Variants in ROBO2 observed in about 807,000 individuals in gnomAD.
The protein encoded by ROBO2 is roundabout guidance receptor 2, also known as roundabout homolog 2.
Under a neutral mutation model 160.8 loss-of-function variants are expected in ROBO2, and 53 were observed. That is an observed-to-expected ratio of 0.33 (90% CI 0.26 to 0.41). ROBO2 has a LOEUF of 0.41. Ranked by LOEUF, ROBO2 falls within the 10% of genes least tolerant of loss-of-function variation. The pLI, the probability that ROBO2 is intolerant of heterozygous loss-of-function variation, is 1.00. For missense variants in ROBO2, 1,577 were observed against 1,722.4 expected (o/e 0.92, Z 1.49); for synonymous variants, 664 against 611.7 (o/e 1.09, Z -1.26).
rs150199394 is a variant in ROBO2 at position 76,269,240 on chromosome 3, T to C, written c.109+331638T>C. On this transcript the variant is annotated intron_variant, in intron 2 of 26. Coordinates refer to the ROBO2 transcript ENST00000487694. ...ACCCCATTTACTCTAATGTGGTTAT[T>C]ACACATTGTATGCCTGGATCAAAAC... is the stretch of plus-strand genomic sequence containing the variant. Among the ~76,000 whole-genome samples the C allele has an allele frequency of 7.7e-3, 1,168 of 152,258 alleles. 7 individuals are homozygous for C. Among genetic ancestry groups the C allele is most frequent in the African/African-American group, 0.024 (990 of 41,566 alleles).
In ROBO2 at chr3:77,148,276, G is replaced by A. The variant is rs190374908; in HGVS notation, c.388+49936G>A. Among the ~76,000 whole-genome samples, 128 of 152,184 alleles carry A rather than the reference G, an allele frequency of 8.4e-4. 1 individual carries two copies. The South Asian group carries it at 8.7e-3, about 10-fold the overall frequency. Reference sequence around the variant, plus strand: ...TTTAACCACTGTGTTCATTCCTATCGATTAAAGGGGCTTTAATAGCACAAT... The same window carrying A: ...TTTAACCACTGTGTTCATTCCTATCAATTAAAGGGGCTTTAATAGCACAAT... On this transcript the variant is annotated intron_variant, in intron 2 of 25. Coordinates refer to ENST00000461745, the Ensembl canonical transcript of ROBO2.
At position 76,212,838 on chromosome 3, in the gene ROBO2, T is replaced by C. The variant is rs141024596; in HGVS notation, c.109+275236T>C. Among the ~76,000 whole-genome samples the C allele has an allele frequency of 6.6e-3, 512 of 77,700 alleles. 7 individuals carry two copies. Among genetic ancestry groups the C allele is most frequent in the Admixed American group, 0.062 (389 of 6,272 alleles). 51.0% of individuals were successfully genotyped at this position (77,700 alleles called of 152,430 possible). On this transcript the variant is annotated intron_variant, in intron 2 of 26. Coordinates refer to the ROBO2 transcript ENST00000487694. ...TGTGAGATACCTTGGTACTAACCCA[T>C]GGAGCCTCTCTCTCTCTCTCTCTCT... is the stretch of plus-strand genomic sequence containing the variant.
At chr3:77,330,468 A>C (rs1390975624) in intron 2 of ROBO2, among the ~76,000 whole-genome samples, 1 of 152,234 alleles carries the variant, frequency 6.6e-6, no homozygotes, top group Non-Finnish European at 1.5e-5. Context: ...CTTTCAGCTA[A>C]GATCACACCA....
chr3:77,308,035 GA>G (rs1200237405), intron 2 of ROBO2, among the ~76,000 whole-genome samples: 1 of 149,420 alleles, frequency 6.7e-6, no homozygotes, highest in Admixed American at 6.7e-5. Context: ...GAAACCACCT[GA>G]ATTATATTAA....
At chr3:77,601,548 G>T (rs1297158578) in intron 19 of ROBO2, among the ~76,000 whole-genome samples, 2 of 152,084 alleles carry the variant, frequency 1.3e-5, no homozygotes, top group African/African-American at 4.8e-5. Context: ...TAATTCTCTA[G>T]TTCGGAGTTG....
chr3:76,277,337 A>G (rs1707985332), intron 2 of ROBO2, among the ~76,000 whole-genome samples: 1 of 152,008 alleles, frequency 6.6e-6, no homozygotes, highest in Non-Finnish European at 1.5e-5. Flanking sequence ...GACTCTACCT[A>G]CAATGCTGTG....
intron 2 of ROBO2, among the ~76,000 whole-genome samples, chr3:77,112,900 C>A (rs1368953676): frequency 6.6e-6 from 1 of 152,150 alleles, no homozygotes; most frequent in Non-Finnish European, 1.5e-5. Flanking sequence ...CTTTGCCTTA[C>A]GTTTTTCCTC....
chr3:77,022,790 T>C (rs551857640), intron 2 of ROBO2, among the ~76,000 whole-genome samples: 2 of 152,316 alleles, frequency 1.3e-5, no homozygotes, highest in Admixed American at 1.3e-4. Context: ...CAGTAAAATA[T>C]ATGTAACATA....
At chr3:77,093,910 C>G (rs1306286559) in intron 1 of ROBO2, among the ~76,000 whole-genome samples, 1 of 152,094 alleles carries the variant, frequency 6.6e-6, no homozygotes, top group Non-Finnish European at 1.5e-5. Context: ...TAGGAGTGAG[C>G]ACAAATTGTT....
intron 2 of ROBO2, among the ~76,000 whole-genome samples, chr3:76,669,399 G>C (rs1263267063): frequency 6.6e-6 from 1 of 152,140 alleles, no homozygotes; most frequent in Non-Finnish European, 1.5e-5. Flanking sequence ...TTTTGGCAAA[G>C]AGACCGTACA....
intron 2 of ROBO2, among the ~76,000 whole-genome samples, chr3:77,155,776 C>T (rs1175514044): frequency 6.6e-6 from 1 of 152,042 alleles, no homozygotes; most frequent in East Asian, 1.9e-4. Context: ...CATTTTCAGT[C>T]TTCGTTTGAC....
intron 2 of ROBO2, among the ~76,000 whole-genome samples, chr3:76,567,642 T>C (rs1228282998): frequency 8.3e-5 from 8 of 95,914 alleles, no homozygotes; most frequent in African/African-American, 1.9e-4. Flanking sequence ...TATATATATA[T>C]ATATATATAT....
At chr3:76,719,820 G>GT (rs2093436766) in intron 2 of ROBO2, among the ~76,000 whole-genome samples, 1 of 151,242 alleles carries the variant, frequency 6.6e-6, no homozygotes, top group Non-Finnish European at 1.5e-5. Flanking sequence ...GGAGGCAGAG[G>GT]TTGCGGTGAG....
exon 1 of ROBO2, chr3:77,040,490 A>G (rs2063980573): frequency 7.7e-7 from 1 of 1,291,730 alleles, no homozygotes; most frequent in Non-Finnish European, 9.9e-7. Context: ...AGAGGGTTAG[A>G]CACACTCGAA....
intron 2 of ROBO2, among the ~76,000 whole-genome samples, chr3:76,817,621 G>A (rs139418001): frequency 1.2e-4 from 19 of 152,110 alleles, no homozygotes; most frequent in Admixed American, 1.1e-3. Flanking sequence ...TGCACCCAAT[G>A]TGTAGTCTCC....
chr3:76,556,593 T>G (rs2083807291), intron 2 of ROBO2, among the ~76,000 whole-genome samples: 1 of 152,176 alleles, frequency 6.6e-6, no homozygotes, highest in African/African-American at 2.4e-5. Context: ...TAAGTAAACA[T>G]TTCTAATTGG....
chr3:75,986,304 C>A (rs1381395646), intron 2 of ROBO2, among the ~76,000 whole-genome samples: 1 of 151,480 alleles, frequency 6.6e-6, no homozygotes, highest in Non-Finnish European at 1.5e-5. Context: ...TATGTTGAGG[C>A]TCCTTTTATG....
At chr3:76,942,782 A>G (rs553389432) in intron 2 of ROBO2, among the ~76,000 whole-genome samples, 1 of 152,262 alleles carries the variant, frequency 6.6e-6, no homozygotes, top group Admixed American at 6.5e-5. Context: ...CCTTAACTGT[A>G]AAATATGGGG....
intron 2 of ROBO2, among the ~76,000 whole-genome samples, chr3:76,384,465 G>T (rs2076785108): frequency 6.6e-6 from 1 of 152,180 alleles, no homozygotes; most frequent in Admixed American, 6.5e-5. Flanking sequence ...TAAGACCTGT[G>T]ATTGAGAGAA....
Sources: gnomAD v4.1 joint callset for allele counts (sites outside exome capture counted in the v4.1 genomes callset) on GRCh38, gnomAD v4.1.1 for gene constraint, MANE v1.5 for transcripts, NCBI Gene and HGNC (gene_info 2026-07-23, HGNC 2026-07-21) for gene names.